CNOT2: variants seen among roughly 807,000 people sequenced by gnomAD.
CNOT2 encodes CCR4-NOT transcription complex subunit 2.
CNOT2 carries 7 observed loss-of-function variants against 72.1 expected under a neutral mutation model. The observed-to-expected ratio is 0.10, with a 90% CI of 0.06 to 0.18. The LOEUF is 0.18. CNOT2 is among the 10% of genes least tolerant of loss of function. The pLI, the probability that CNOT2 is intolerant of heterozygous loss-of-function variation, is 1.00. For synonymous variants in CNOT2, 196 were observed against 225.6 expected (o/e 0.87, Z 1.17); for missense variants, 345 against 660.3 (o/e 0.52, Z 5.23).
At chr12:70,318,753 G>A (rs537411139) in intron 3 of CNOT2, among the ~76,000 whole-genome samples, 2 of 151,858 alleles carry the variant, frequency 1.3e-5, no homozygotes, top group South Asian at 4.1e-4. Flanking sequence ...TCTAATATAA[G>A]ACAGGAAATA....
intron 1 of CNOT2, chr12:70,244,303 CCT>C (rs1157221061): frequency 6.6e-6 from 1 of 152,164 alleles, no homozygotes; most frequent in Non-Finnish European, 1.5e-5. Context: ...TCCGCAGGGG[CCT>C]CTCCACCTTT....
chr12:70,297,692 T>G, intron 2 of CNOT2: 1 of 303,608 alleles, frequency 3.3e-6, no homozygotes, highest in South Asian at 2.6e-5. Context: ...ATATAGCTTT[T>G]AGTAGTTATT....
chr12:70,347,640 A>AC (rs1299538438), intron 15 of CNOT2: 6 of 152,082 alleles, frequency 3.9e-5, no homozygotes, highest in African/African-American at 1.4e-4. Flanking sequence ...CTCAAAAAAA[A>AC]AAAAACAAAA....
intron 15 of CNOT2, 29 bp from the exon 16 acceptor site, chr12:70,353,800 T>TA: frequency 1.9e-6 from 3 of 1,595,234 alleles, no homozygotes; most frequent in Non-Finnish European, 2.6e-6. Context: ...AAGGGGAAGA[T>TA]ATCTAAATTC....
At chr12:70,285,037 A>G (rs909471312) in intron 2 of CNOT2, among the ~76,000 whole-genome samples, 8 of 152,206 alleles carry the variant, frequency 5.3e-5, no homozygotes, top group African/African-American at 1.9e-4. Context: ...GACTTTATAT[A>G]TGAAATATGA....
In CNOT2 at chr12:70,332,763, C is replaced by G. The variant is rs1880144454; in HGVS notation, c.570-4C>G. ...ATATCTAAAACTATTTTCTATGTAC[C>G]CAGTATGTCTGGATTTGGAATGAAC... On this transcript the variant is annotated splice_region_variant and splice_polypyrimidine_tract_variant and intron_variant, in intron 6 of 15. Coordinates refer to ENST00000229195, the MANE Select transcript of CNOT2 (RefSeq NM_014515.7). 6.3e-7 allele frequency: 1 copy of G among 1,595,598 alleles called. No homozygotes were observed. Among genetic ancestry groups the G allele is most frequent in the East Asian group, 2.3e-5 (1 of 43,850 alleles).
At chr12:70,325,768 A>C (rs1402078879) in intron 4 of CNOT2, among the ~76,000 whole-genome samples, 2 of 151,800 alleles carry the variant, frequency 1.3e-5, no homozygotes, top group Non-Finnish European at 1.5e-5. Context: ...TTCCTAGAGG[A>C]AGCTGGCTGC....
At chr12:70,265,113 G>A (rs938359745) in intron 1 of CNOT2, among the ~76,000 whole-genome samples, 1 of 151,366 alleles carries the variant, frequency 6.6e-6, no homozygotes, top group Admixed American at 6.6e-5. Flanking sequence ...GTTTGTTATT[G>A]TTTTCTTGTT....
chr12:70,252,944 T>C (rs1958220739), intron 1 of CNOT2, among the ~76,000 whole-genome samples: 1 of 152,202 alleles, frequency 6.6e-6, no homozygotes, highest in Non-Finnish European at 1.5e-5. Context: ...ATTTATTTCA[T>C]AGAGTGCACT....
chr12:70,279,749 T>C (rs1230974385), intron 2 of CNOT2, among the ~76,000 whole-genome samples: 1 of 152,262 alleles, frequency 6.6e-6, no homozygotes, highest in African/African-American at 2.4e-5. Flanking sequence ...TTACACACTA[T>C]AGTTAATTTG....
chr12:70,351,124 C>T (rs1262303495), intron 15 of CNOT2, among the ~76,000 whole-genome samples: 1 of 151,662 alleles, frequency 6.6e-6, no homozygotes, highest in Non-Finnish European at 1.5e-5. Flanking sequence ...CCTTTTTTTT[C>T]CACTAAAAGC....
At chr12:70,247,195 T>C (rs1957918296) in intron 1 of CNOT2, among the ~76,000 whole-genome samples, 1 of 151,968 alleles carries the variant, frequency 6.6e-6, no homozygotes, top group Non-Finnish European at 1.5e-5. Context: ...AGACGAAGTT[T>C]TGCTCGTCGC....
chr12:70,281,455 C>T (rs1340713111), intron 2 of CNOT2, among the ~76,000 whole-genome samples: 1 of 152,190 alleles, frequency 6.6e-6, no homozygotes, highest in Non-Finnish European at 1.5e-5. Flanking sequence ...ATTCTGGCCT[C>T]CTTACATCCA....
chr12:70,274,922 A>G (rs1431957538), intron 1 of CNOT2, among the ~76,000 whole-genome samples: 1 of 152,042 alleles, frequency 6.6e-6, no homozygotes. Context: ...CCATTCACCT[A>G]TTAAAGGACA....
At chr12:70,315,949 TCTCA>T (rs1367434673) in intron 3 of CNOT2, among the ~76,000 whole-genome samples, 1 of 152,208 alleles carries the variant, frequency 6.6e-6, no homozygotes, top group Non-Finnish European at 1.5e-5. Flanking sequence ...GAATGCCCCC[TCTCA>T]CTCCTATTAA....
At chr12:70,279,556 C>T (rs1869455185) in intron 2 of CNOT2, among the ~76,000 whole-genome samples, 3 of 152,194 alleles carry the variant, frequency 2.0e-5, no homozygotes. Flanking sequence ...GGTGTAGCTC[C>T]TGCTTCCCAC....
At chr12:70,269,424 G>T (rs1248830332) in intron 1 of CNOT2, among the ~76,000 whole-genome samples, 1 of 151,940 alleles carries the variant, frequency 6.6e-6, no homozygotes, top group Non-Finnish European at 1.5e-5. Flanking sequence ...GGTGAAGAAT[G>T]TGGACCCCTT....
intron 1 of CNOT2, among the ~76,000 whole-genome samples, chr12:70,265,273 T>TTCTTCTCTTCTCTCCTCTTCTCTTC (rs1555188153): frequency 7.7e-4 from 97 of 125,468 alleles, no homozygotes; most frequent in African/African-American, 2.6e-3. Context: ...TTCGTTTTGT[T>TTCTTCTCTTCTCTCCTCTTCTCTTC]TCTTCTCTTC....
intron 1 of CNOT2, among the ~76,000 whole-genome samples, chr12:70,250,889 A>G (rs1231393420): frequency 2.6e-5 from 4 of 152,140 alleles, no homozygotes; most frequent in African/African-American, 4.8e-5. Context: ...TCACTTCAGA[A>G]AATATTGTGG....
Sources: allele counts gnomAD v4.1 joint callset (sites outside exome capture counted in the v4.1 genomes callset), GRCh38; gene constraint gnomAD v4.1.1; transcripts MANE v1.5; gene names NCBI Gene and HGNC (gene_info 2026-07-23, HGNC 2026-07-21).